Variants in C17orf67 observed in about 807,000 individuals in gnomAD.
The protein encoded by C17orf67 is chromosome 17 open reading frame 67.
Under a neutral mutation model 11.2 loss-of-function variants are expected in C17orf67, and 12 were observed. The observed-to-expected ratio is 1.07, with a 90% CI of 0.68 to 1.73. The LOEUF (loss-of-function observed/expected upper bound fraction) is 1.73. Ranked by LOEUF, C17orf67 falls within the 40% of genes most tolerant of loss-of-function variation. The pLI, the probability that C17orf67 is intolerant of heterozygous loss-of-function variation, is 0.00. For synonymous variants in C17orf67, 59 were observed against 46.9 expected, an observed-to-expected ratio of 1.26 and a Z score of -1.05; for missense variants, 115 against 113.5, an observed-to-expected ratio of 1.01 and a Z score of -0.06.
chr17:56,816,369 A>C (rs1905761851), intron 4 of C17orf67, among the ~76,000 whole-genome samples: 1 of 152,214 alleles, frequency 6.6e-6, no homozygotes, highest in Non-Finnish European at 1.5e-5. Flanking sequence ...TTTTCTAGCA[A>C]TGTAGCCTTA....
At chr17:56,799,240 A>T (rs1186035907) in intron 6 of C17orf67, among the ~76,000 whole-genome samples, 1 of 152,236 alleles carries the variant, frequency 6.6e-6, no homozygotes, top group Non-Finnish European at 1.5e-5. Flanking sequence ...CTGCCTGCTC[A>T]TCTGCCTAAC....
intron 6 of C17orf67, among the ~76,000 whole-genome samples, chr17:56,813,983 C>T (rs934791878): frequency 9.2e-5 from 14 of 152,124 alleles, no homozygotes; most frequent in African/African-American, 2.9e-4. Flanking sequence ...CAGCACTCTT[C>T]GTCACTGTGC....
chr17:56,831,485 T>C (rs984577428), intron 2 of C17orf67, among the ~76,000 whole-genome samples: 2 of 152,150 alleles, frequency 1.3e-5, no homozygotes, highest in Non-Finnish European at 2.9e-5. Context: ...CAGATGGACA[T>C]AGGTGGAGAA....
Position 56,820,451 on chromosome 17 carries a change from C to T in C17orf67, c.-201+4288G>A, listed in dbSNP as rs1480069780. On this transcript the variant is annotated intron_variant, in intron 4 of 7. Coordinates refer to ENST00000397861, the MANE Select transcript of C17orf67 (RefSeq NM_001085430.4). ...ACACTCTCACACACCCACCCACACA[C>T]ACTCACGCGGGGACAATTCAGACAC... Among the ~76,000 whole-genome samples the T allele has an allele frequency of 2.6e-5, 4 of 151,284 alleles. No individual in the cohort carries two copies. In the East Asian group the frequency reaches 7.7e-4, roughly 29 times the overall value.
chr17:56,831,787 C>G (rs534117634), intron 2 of C17orf67, among the ~76,000 whole-genome samples: 3 of 152,122 alleles, frequency 2.0e-5, no homozygotes, highest in African/African-American at 4.8e-5. Context: ...TACATACGTA[C>G]GACTGATGAA....
intron 2 of C17orf67, among the ~76,000 whole-genome samples, chr17:56,830,099 T>C (rs1906151573): frequency 1.3e-5 from 2 of 151,470 alleles, no homozygotes; most frequent in South Asian, 4.2e-4. Flanking sequence ...ATCCCAGCAC[T>C]TTGGGAGGCT....
At chr17:56,812,885 G>A (rs960967638) in intron 6 of C17orf67, among the ~76,000 whole-genome samples, 1 of 152,178 alleles carries the variant, frequency 6.6e-6, no homozygotes, top group Non-Finnish European at 1.5e-5. Flanking sequence ...TAGGGCCAGA[G>A]TCTAGCCTGG....
At chr17:56,825,359 G>A (rs1196079482) in intron 2 of C17orf67, 38 bp from the exon 3 acceptor site, 1 of 152,136 alleles carries the variant, frequency 6.6e-6, no homozygotes, top group Admixed American at 6.5e-5. Flanking sequence ...ACAGTGCCTA[G>A]GACCTACTAA....
At chr17:56,801,019 A>G (rs1360254611) in intron 6 of C17orf67, among the ~76,000 whole-genome samples, 1 of 152,268 alleles carries the variant, frequency 6.6e-6, no homozygotes, top group Non-Finnish European at 1.5e-5. Flanking sequence ...ACCGCACTCC[A>G]GCGCAGGCAA....
At chr17:56,810,046 A>G (rs1412875128) in intron 6 of C17orf67, among the ~76,000 whole-genome samples, 1 of 119,748 alleles carries the variant, frequency 8.4e-6, no homozygotes, top group Non-Finnish European at 1.8e-5. Context: ...TCCCTCACAC[A>G]CACCCCTCAC....
intron 6 of C17orf67, among the ~76,000 whole-genome samples, chr17:56,810,665 C>T (rs560838962): frequency 5.3e-5 from 8 of 152,324 alleles, no homozygotes; most frequent in African/African-American, 1.9e-4. Context: ...AAGGCCTTAG[C>T]CTCTGAACTC....
chr17:56,831,655 T>C (rs987485208), intron 2 of C17orf67, among the ~76,000 whole-genome samples: 3 of 152,056 alleles, frequency 2.0e-5, no homozygotes, highest in Non-Finnish European at 1.5e-5. Context: ...GTAGCCACAA[T>C]ACCACAAAAA....
intron 6 of C17orf67, among the ~76,000 whole-genome samples, chr17:56,811,557 C>G (rs1187206344): frequency 6.6e-6 from 1 of 151,060 alleles, no homozygotes; most frequent in Admixed American, 6.6e-5. Flanking sequence ...GCTCGAGACT[C>G]TCTTCTTGCA....
chr17:56,814,479 A>T (rs1905705949), intron 6 of C17orf67, among the ~76,000 whole-genome samples: 2 of 152,142 alleles, frequency 1.3e-5, no homozygotes, highest in African/African-American at 4.8e-5. Flanking sequence ...CCCTGCCTGG[A>T]CAGACCATCA....
chr17:56,815,951 CTG>C lies in C17orf67; in HGVS notation c.-143_-142del. 6.8e-7 allele frequency: 1 copy of C among 1,475,678 alleles called. No homozygotes were observed. The highest frequency in any genetic ancestry group is 9.1e-7 in the Non-Finnish European group (1 of 1,095,758). 91.4% of individuals were successfully genotyped at this position (1,475,678 alleles called of 1,614,324 possible). ...GGTATGATGCTGAATGTATCTGACT[CTG>C]AGCGTTTTAGTAATGACCACTGAAA... On this transcript the variant is annotated 5_prime_UTR_variant, in exon 5 of 8. The change creates a premature stop within an existing upstream ORF in the 5' untranslated region. Coordinates refer to ENST00000397861, the MANE Select transcript of C17orf67 (RefSeq NM_001085430.4).
At chr17:56,818,827 A>T (rs1160264638) in intron 4 of C17orf67, among the ~76,000 whole-genome samples, 1 of 152,236 alleles carries the variant, frequency 6.6e-6, no homozygotes, top group Admixed American at 6.5e-5. Flanking sequence ...AGTGCTCGGT[A>T]GCCACATGTG....
chr17:56,819,819 G>A (rs1334369840), intron 4 of C17orf67, among the ~76,000 whole-genome samples: 4 of 152,186 alleles, frequency 2.6e-5, no homozygotes, highest in African/African-American at 4.8e-5. Context: ...GCTCCCAGTA[G>A]AAGACGCAAT....
chr17:56,800,357 G>T (rs1018790626), intron 6 of C17orf67, among the ~76,000 whole-genome samples: 1 of 152,222 alleles, frequency 6.6e-6, no homozygotes, highest in East Asian at 1.9e-4. Flanking sequence ...GAGCCACTGC[G>T]CCCGGCAGCA....
At chr17:56,795,273 C>T in intron 6 of C17orf67, 93 bp from the exon 7 acceptor site, 2 of 1,118,658 alleles carry the variant, frequency 1.8e-6, no homozygotes, top group Non-Finnish European at 2.7e-6. Context: ...CTAGACAGGG[C>T]AGGATGGGAG....
Sources: allele counts gnomAD v4.1 joint callset (sites outside exome capture counted in the v4.1 genomes callset), GRCh38; gene constraint gnomAD v4.1.1; transcripts MANE v1.5; gene names NCBI Gene and HGNC (gene_info 2026-07-23, HGNC 2026-07-21).